MPP7: variants seen among roughly 807,000 people sequenced by gnomAD.
MPP7 encodes the protein MAGUK p55 subfamily member 7.
In MPP7, 60 loss-of-function variants were observed where a neutral mutation model predicts 76.5. That is an observed-to-expected ratio of 0.78 (90% CI 0.64 to 0.97). The LOEUF (loss-of-function observed/expected upper bound fraction) is 0.97, where lower values mean the gene tolerates loss of function less well. MPP7 is among the 50% of genes least tolerant of loss of function. The probability of loss-of-function intolerance (pLI) is 0.00; values close to 1 mark genes in which losing one functional copy is unlikely to be tolerated. For synonymous variants in MPP7, 237 were observed against 244.5 expected (o/e 0.97, Z 0.29); for missense variants, 641 against 694.0 (o/e 0.92, Z 0.86).
chr10:28,192,675 A>G (rs554005538), intron 3 of MPP7, among the ~76,000 whole-genome samples: 72 of 152,220 alleles, frequency 4.7e-4, no homozygotes, highest in Non-Finnish European at 8.8e-4. Flanking sequence ...GGAATACACA[A>G]TATTACTAAG....
At chr10:28,302,624 GTCC>G (rs1564766947) in intron 1 of MPP7, among the ~76,000 whole-genome samples, 1 of 151,862 alleles carries the variant, frequency 6.6e-6, no homozygotes, top group Non-Finnish European at 1.5e-5. Context: ...GTCTCCAGGG[GTCC>G]TCAGGGTCCC....
intron 1 of MPP7, among the ~76,000 whole-genome samples, chr10:28,333,293 C>A (rs561245546): frequency 6.6e-6 from 1 of 152,062 alleles, no homozygotes; most frequent in Non-Finnish European, 1.5e-5. Flanking sequence ...TTACAGGCAC[C>A]CGCCACCACA....
chr10:28,280,905 T>C (rs1226362303), intron 1 of MPP7, among the ~76,000 whole-genome samples: 1 of 151,996 alleles, frequency 6.6e-6, no homozygotes, highest in Admixed American at 6.6e-5. Context: ...GAAAAATGCA[T>C]GCCTTGTACA....
At chr10:28,167,103 G>A (rs772100663) in intron 3 of MPP7, among the ~76,000 whole-genome samples, 24 of 152,018 alleles carry the variant, frequency 1.6e-4, no homozygotes, top group Non-Finnish European at 2.4e-4. Flanking sequence ...TTGAGCTCAG[G>A]AGTTCGAGAC....
At chr10:28,237,440 G>A (rs187386867) in intron 2 of MPP7, among the ~76,000 whole-genome samples, 21 of 151,962 alleles carry the variant, frequency 1.4e-4, no homozygotes, top group African/African-American at 4.1e-4. Flanking sequence ...TGACAAAAAC[G>A]AATCCTCAAT....
chr10:28,172,096 A>G (rs1016226340), intron 3 of MPP7, among the ~76,000 whole-genome samples: 4 of 152,198 alleles, frequency 2.6e-5, no homozygotes, highest in Non-Finnish European at 5.9e-5. Flanking sequence ...GATGCAATGT[A>G]CTTTCATTGG....
At chr10:28,186,895 T>G (rs573920644) in intron 3 of MPP7, among the ~76,000 whole-genome samples, 1 of 152,330 alleles carries the variant, frequency 6.6e-6, no homozygotes, top group South Asian at 2.1e-4. Context: ...GTTTCCCTAC[T>G]GGAATTCCTA....
chr10:28,053,982 G>A lies in MPP7; in HGVS notation c.*83C>T. ...ATTGTACATCTATGACAGTGATATA[G>A]ATTTAAAAACCCTACTACCAAAACT... On this transcript the variant is annotated 3_prime_UTR_variant, in exon 17 of 17. Transcript: ENST00000683449. The A allele has an allele frequency of 2.9e-6, 3 of 1,041,188 alleles. No homozygotes were observed. Among genetic ancestry groups the A allele is most frequent in the Non-Finnish European group, 4.4e-6 (3 of 683,154 alleles). The allele number at this position is 1,041,188 out of a possible 1,614,324, so 64.5% of individuals were successfully genotyped here.
At chr10:28,084,157 A>G (rs537836357) in intron 12 of MPP7, among the ~76,000 whole-genome samples, 2 of 152,238 alleles carry the variant, frequency 1.3e-5, no homozygotes, top group African/African-American at 4.8e-5. Context: ...AATCCTGAAC[A>G]GCAGAAAGAT....
intron 1 of MPP7, among the ~76,000 whole-genome samples, chr10:28,297,440 T>C (rs1301777190): frequency 6.6e-6 from 1 of 152,218 alleles, no homozygotes; most frequent in Non-Finnish European, 1.5e-5. Flanking sequence ...GGCTCACGCC[T>C]GTAATCCTAA....
rs74129008 is a variant in MPP7 at position 28,154,752 on chromosome 10, T to C, written c.157-4693A>G. Among the ~76,000 whole-genome samples the C allele has an allele frequency of 3.8e-3, 550 of 143,222 alleles. 5 individuals are homozygous for C. The highest frequency in any genetic ancestry group is 0.012 in the African/African-American group (452 of 38,596). 94.0% of individuals were successfully genotyped at this position (143,222 alleles called of 152,430 possible). A position where few individuals can be genotyped will look rare whatever the true frequency, so the allele number is the denominator to read the frequency against. On this transcript the variant is annotated intron_variant, in intron 3 of 16. Transcript: ENST00000683449. Reference sequence around the variant, plus strand: ...AATCTGAGTTAGTTGGGGTGGGGGGTGGTGGGGAAACTTGAATTCTCCAAT... The same window carrying C: ...AATCTGAGTTAGTTGGGGTGGGGGGCGGTGGGGAAACTTGAATTCTCCAAT...
At chr10:28,128,477 A>G (rs1835089325) in intron 6 of MPP7, among the ~76,000 whole-genome samples, 1 of 152,184 alleles carries the variant, frequency 6.6e-6, no homozygotes, top group Non-Finnish European at 1.5e-5. Context: ...AATTCAAGGG[A>G]AAGATGATGG....
At chr10:28,112,384 T>C (rs1294785064) in intron 11 of MPP7, among the ~76,000 whole-genome samples, 1 of 152,102 alleles carries the variant, frequency 6.6e-6, no homozygotes, top group Non-Finnish European at 1.5e-5. Flanking sequence ...GGAAATCAAA[T>C]GATAAAAGCC....
chr10:28,069,784 C>A lies in MPP7; in HGVS notation c.1192G>T (p.Val398Leu). 6.2e-7 allele frequency: 1 copy of A among 1,613,830 alleles called. No homozygotes were observed. Among genetic ancestry groups the A allele is most frequent in the South Asian group, 1.1e-5 (1 of 91,070 alleles). The change falls in exon 13 of 17, where the codon GTG (valine) becomes TTG (leucine). Residue 398 changes from valine to leucine, a missense_variant. By Grantham distance (32) the Val-to-Leu change is conservative. Transcript: ENST00000683449. Reference protein sequence around the residue: ...LLISDTQHYGVTVPHTTRARR... With the variant: ...LLISDTQHYGLTVPHTTRARR... ...GCGCAGAACTCACGGGGCACTGTCA[C>A]GCCATAGTGCTGGGTGTCACTGATC... is the stretch of plus-strand genomic sequence containing the variant.
At chr10:28,266,894 A>G (rs761996257) in intron 1 of MPP7, among the ~76,000 whole-genome samples, 2 of 152,222 alleles carry the variant, frequency 1.3e-5, no homozygotes. Flanking sequence ...TAAGTGCTCA[A>G]TAAGTGTTTC....
At chr10:28,143,855 CTGTG>C (rs60960005) in intron 5 of MPP7, among the ~76,000 whole-genome samples, 17,222 of 134,260 alleles carry the variant, frequency 0.13, 1,393 homozygotes, top group African/African-American at 0.15. Flanking sequence ...CAATCGTGTG[CTGTG>C]TGTGTGTGTG....
At chr10:28,218,402 G>A (rs1034140051) in intron 2 of MPP7, among the ~76,000 whole-genome samples, 2 of 152,276 alleles carry the variant, frequency 1.3e-5, no homozygotes, top group East Asian at 1.9e-4. Context: ...CAGCAAAATC[G>A]TGTGTGGAAG....
intron 1 of MPP7, among the ~76,000 whole-genome samples, chr10:28,248,721 G>T (rs747131158): frequency 6.6e-5 from 10 of 152,094 alleles, no homozygotes; most frequent in Non-Finnish European, 1.2e-4. Context: ...CTATGTTTAG[G>T]TATGTTTAGA....
intron 2 of MPP7, among the ~76,000 whole-genome samples, chr10:28,214,147 A>T (rs565178724): frequency 1.3e-5 from 2 of 152,128 alleles, no homozygotes; most frequent in Non-Finnish European, 2.9e-5. Flanking sequence ...AAATTTCCAA[A>T]TTGCATTTTT....
Sources: allele counts gnomAD v4.1 joint callset (sites outside exome capture counted in the v4.1 genomes callset), GRCh38; gene constraint gnomAD v4.1.1; transcripts MANE v1.5; gene names NCBI Gene and HGNC (gene_info 2026-07-23, HGNC 2026-07-21).